Variants in RALGAPB observed in about 807,000 individuals in gnomAD.
The protein encoded by RALGAPB is Ral GTPase activating protein non-catalytic subunit beta, also known as ral GTPase-activating protein subunit beta.
Under a neutral mutation model 161.1 loss-of-function variants are expected in RALGAPB, and 25 were observed. The ratio of observed to expected loss-of-function variants is 0.16; its 90% CI spans 0.11 to 0.22. The LOEUF (loss-of-function observed/expected upper bound fraction) is 0.22. Ranked by LOEUF, RALGAPB falls within the 10% of genes least tolerant of loss-of-function variation. The pLI, the probability that RALGAPB is intolerant of heterozygous loss-of-function variation, is 1.00. For synonymous variants in RALGAPB, 629 were observed against 626.1 expected (o/e 1.00, Z -0.07); for missense variants, 1,391 against 1,815.2 (o/e 0.77, Z 4.25).
intron 6 of RALGAPB, among the ~76,000 whole-genome samples, chr20:38,515,582 C>T (rs892004779): frequency 1.3e-5 from 2 of 152,004 alleles, no homozygotes; most frequent in African/African-American, 4.8e-5. Flanking sequence ...TACACATGAA[C>T]ACAACATAAA....
In RALGAPB at chr20:38,524,759, T is replaced by G. The variant is rs1568940723; in HGVS notation, c.1620-19T>G. On this transcript the variant is annotated intron_variant, in intron 10 of 29. Transcript: ENST00000262879. ...TTTTGATCAGCAGTTTGTTTAAAATTTTTTTCTTGCTTTCCTAGATTTTAC... is the reference window on the plus strand; with the variant it reads ...TTTTGATCAGCAGTTTGTTTAAAATGTTTTTCTTGCTTTCCTAGATTTTAC... 6.4e-7 allele frequency: 1 copy of G among 1,566,072 alleles called. No individual in the cohort carries two copies. Among genetic ancestry groups the G allele is most frequent in the Non-Finnish European group, 8.8e-7 (1 of 1,141,134 alleles).
At chr20:38,525,747 ATATTGT>A in intron 12 of RALGAPB, 142 bp from the exon 13 acceptor site, 1 of 874,404 alleles carries the variant, frequency 1.1e-6, no homozygotes, top group South Asian at 1.8e-5. Context: ...ATCTATTAAC[ATATTGT>A]TAGTGACAGA....
chr20:38,501,845 GCAAAT>G (rs2085605228), intron 5 of RALGAPB, among the ~76,000 whole-genome samples: 1 of 152,074 alleles, frequency 6.6e-6, no homozygotes, highest in African/African-American at 2.4e-5. Flanking sequence ...GAAAAAATGT[GCAAAT>G]GAACCGTGTA....
At chr20:38,519,880 A>G (rs926682031) in intron 9 of RALGAPB, among the ~76,000 whole-genome samples, 2 of 152,304 alleles carry the variant, frequency 1.3e-5, no homozygotes, top group African/African-American at 4.8e-5. Flanking sequence ...TGCTTCTTTG[A>G]ACTGGTTAGC....
chr20:38,526,401 G>A (rs2086470775), intron 13 of RALGAPB, among the ~76,000 whole-genome samples: 1 of 150,470 alleles, frequency 6.6e-6, no homozygotes, highest in Non-Finnish European at 1.5e-5. Context: ...TCTTCCTCCT[G>A]CCTCTTCCTC....
At chr20:38,520,671 G>A (rs1175504671) in intron 9 of RALGAPB, among the ~76,000 whole-genome samples, 1 of 151,654 alleles carries the variant, frequency 6.6e-6, no homozygotes, top group Non-Finnish European at 1.5e-5. Flanking sequence ...ATGGGAAGTT[G>A]CATAAAGATT....
chr20:38,516,124 G>A, intron 6 of RALGAPB, 68 bp from the exon 7 acceptor site: 1 of 1,237,946 alleles, frequency 8.1e-7, no homozygotes, highest in Non-Finnish European at 1.1e-6. Context: ...TCTTAAATTA[G>A]ATTACGTGTA....
rs79779527 is a variant in RALGAPB at position 38,475,360 on chromosome 20, T to A, written c.-31+2291T>A. Among the ~76,000 whole-genome samples the A allele has an allele frequency of 1.4e-3, 213 of 152,310 alleles. 2 individuals are homozygous for A. The highest frequency in any genetic ancestry group is 5.0e-3 in the African/African-American group (207 of 41,568). On this transcript the variant is annotated intron_variant, in intron 1 of 29. Transcript: ENST00000262879. ...AGGAATTGACAAATTTAGCACATATTTATTGCAGAATGCCTGAACTGCCAT... is the reference window on the plus strand; with the variant it reads ...AGGAATTGACAAATTTAGCACATATATATTGCAGAATGCCTGAACTGCCAT...
Position 38,487,242 on chromosome 20 carries a change from T to C in RALGAPB, c.-30-1161T>C, listed in dbSNP as rs147791017. ...TCAGTAGTTCTTTGTGGCCATTGCT[T>C]GGGATGTTTGTGGGAAAGTGGCAGT... On this transcript the variant is annotated intron_variant, in intron 1 of 29. Transcript: ENST00000262879. Among the ~76,000 whole-genome samples the C allele has an allele frequency of 3.9e-4, 60 of 152,230 alleles. No individual in the cohort carries two copies. In the East Asian group the frequency reaches 0.012, roughly 29 times the overall value.
chr20:38,508,103 G>A (rs1032712602), intron 5 of RALGAPB, among the ~76,000 whole-genome samples: 1 of 150,866 alleles, frequency 6.6e-6, no homozygotes. Context: ...TTTACATATT[G>A]TATGATTATA....
chr20:38,574,473 A>G (rs1450583926), intron 29 of RALGAPB, among the ~76,000 whole-genome samples, 175 bp downstream of exon 29: 1 of 152,182 alleles, frequency 6.6e-6, no homozygotes, highest in African/African-American at 2.4e-5. Context: ...TCTGTCCTTA[A>G]TCTAGTAAGT....
intron 1 of RALGAPB, among the ~76,000 whole-genome samples, chr20:38,485,722 G>C (rs2085093488): frequency 6.6e-6 from 1 of 151,970 alleles, no homozygotes; most frequent in African/African-American, 2.4e-5. Context: ...CCAGAGTTGA[G>C]TTTTATCGCT....
At chr20:38,562,732 C>A (rs1293385418) in intron 24 of RALGAPB, 35 bp downstream of exon 24, 1 of 1,544,228 alleles carries the variant, frequency 6.5e-7, no homozygotes, top group South Asian at 1.2e-5. Flanking sequence ...TCAGTTGTTT[C>A]TTGTTTGTTA....
chr20:38,575,271 G>A lies in RALGAPB; in HGVS notation c.*304G>A, dbSNP rs1339037750. ...GCCTTTTGAGGAGAAAGGCTTTTAT[G>A]CATCTCAGTTAAACACGTGCATTGG... On this transcript the variant is annotated 3_prime_UTR_variant, in exon 30 of 30. Transcript: ENST00000262879. 1 of 265,564 alleles carries A rather than the reference G, an allele frequency of 3.8e-6. No individual in the cohort carries two copies. The highest frequency in any genetic ancestry group is 8.3e-5 in the East Asian group (1 of 12,104). 16.5% of individuals were successfully genotyped at this position (265,564 alleles called of 1,614,324 possible).
At chr20:38,561,773 T>A (rs1470599202) in intron 23 of RALGAPB, among the ~76,000 whole-genome samples, 4 of 152,224 alleles carry the variant, frequency 2.6e-5, no homozygotes, top group Non-Finnish European at 4.4e-5. Context: ...GGCTATCCTG[T>A]GTATTTTAGA....
chr20:38,504,003 C>T (rs2085674651), intron 5 of RALGAPB, among the ~76,000 whole-genome samples: 1 of 152,292 alleles, frequency 6.6e-6, no homozygotes, highest in Admixed American at 6.5e-5. Context: ...CCATACTGCC[C>T]ATAGCAATCT....
intron 5 of RALGAPB, among the ~76,000 whole-genome samples, chr20:38,506,621 A>G (rs914101771): frequency 6.6e-6 from 1 of 151,936 alleles, no homozygotes; most frequent in South Asian, 2.1e-4. Context: ...TTTCTTTGCA[A>G]TTTTTTTGTT....
intron 28 of RALGAPB, 83 bp downstream of exon 28, chr20:38,570,930 C>T (rs1057045389): frequency 1.1e-5 from 10 of 918,374 alleles, no homozygotes; most frequent in East Asian, 2.6e-5. Context: ...AATTATGAAA[C>T]GAAAGAGTTG....
At chr20:38,572,981 T>G (rs924322303) in intron 28 of RALGAPB, among the ~76,000 whole-genome samples, 2 of 152,160 alleles carry the variant, frequency 1.3e-5, no homozygotes, top group Non-Finnish European at 2.9e-5. Context: ...TGACACTAAC[T>G]TGCTAAAGAA....
Sources: allele counts gnomAD v4.1 joint callset (sites outside exome capture counted in the v4.1 genomes callset), GRCh38; gene constraint gnomAD v4.1.1; transcripts MANE v1.5; gene names NCBI Gene and HGNC (gene_info 2026-07-23, HGNC 2026-07-21).